FBXW8: variants seen among roughly 807,000 people sequenced by gnomAD.
FBXW8 encodes F-box and WD repeat domain containing 8, also known as F-box/WD repeat-containing protein 8.
In FBXW8, 57 loss-of-function variants were observed where a neutral mutation model predicts 65.3. The ratio of observed to expected loss-of-function variants is 0.87; its 90% CI spans 0.71 to 1.09. FBXW8 has a LOEUF of 1.09. Ranked by LOEUF, FBXW8 falls within the 50% of genes least tolerant of loss-of-function variation. FBXW8 has a pLI of 0.00. For synonymous variants in FBXW8, 308 were observed against 330.2 expected (o/e 0.93, Z 0.73); for missense variants, 777 against 814.8 (o/e 0.95, Z 0.57).
At chr12:117,003,811 A>C (rs929868596) in intron 7 of FBXW8, among the ~76,000 whole-genome samples, 1 of 152,194 alleles carries the variant, frequency 6.6e-6, no homozygotes, top group Admixed American at 6.5e-5. Context: ...TCAGTCTGTC[A>C]TTCTCTTTTA....
chr12:116,917,785 G>A (rs770847450), intron 1 of FBXW8, among the ~76,000 whole-genome samples: 16 of 152,146 alleles, frequency 1.1e-4, no homozygotes, highest in Non-Finnish European at 2.1e-4. Context: ...GAGGTCAGGA[G>A]ATCAAGACCA....
intron 9 of FBXW8, among the ~76,000 whole-genome samples, chr12:117,026,181 G>A (rs986908115): frequency 2.0e-5 from 3 of 152,202 alleles, no homozygotes; most frequent in African/African-American, 7.2e-5. Flanking sequence ...ACAGGGTGCC[G>A]TCAGTCCTCC....
intron 2 of FBXW8, among the ~76,000 whole-genome samples, chr12:116,939,469 A>G (rs537763092): frequency 6.6e-6 from 1 of 152,308 alleles, no homozygotes; most frequent in South Asian, 2.1e-4. Flanking sequence ...AGCTCATTTG[A>G]GCGTGGAATC....
At chr12:117,015,384 C>A (rs1350252332) in intron 8 of FBXW8, among the ~76,000 whole-genome samples, 24 of 152,130 alleles carry the variant, frequency 1.6e-4, no homozygotes, top group Admixed American at 1.5e-3. Flanking sequence ...TTACTCCGTT[C>A]TGGCCAGAAT....
chr12:116,916,744 C>T (rs752158111), intron 1 of FBXW8, among the ~76,000 whole-genome samples: 31 of 152,076 alleles, frequency 2.0e-4, no homozygotes, highest in Admixed American at 1.3e-4. Flanking sequence ...AAACACCATC[C>T]AAAACGTTGG....
Position 116,988,788 on chromosome 12 carries a change from G to C in FBXW8, c.1158G>C (p.Pro386=). Residue 386 remains proline (P), a synonymous_variant, in exon 7 of 11, where the codon CCG becomes CCC. Coordinates refer to ENST00000652555, the MANE Select transcript of FBXW8 (RefSeq NM_153348.3). The part of the protein sequence containing the change: ...SARTLLYAHG[P]PVTCLDVSAN... ...GAACCCTCCTTTACGCCCACGGCCC[G>C]CCTGTCACATGTCTAGACGTCTCGG... The C allele has an allele frequency of 2.5e-6, 4 of 1,614,140 alleles. No homozygotes were observed. The highest frequency in any genetic ancestry group is 2.5e-6 in the Non-Finnish European group (3 of 1,180,038).
At chr12:116,915,425 G>A (rs993919636) in intron 1 of FBXW8, among the ~76,000 whole-genome samples, 2 of 152,082 alleles carry the variant, frequency 1.3e-5, no homozygotes, top group African/African-American at 4.8e-5. Flanking sequence ...ACCTTTACAA[G>A]GGCCTAAATA....
At chr12:117,017,352 T>G (rs2135717360) in intron 8 of FBXW8, among the ~76,000 whole-genome samples, 1 of 152,350 alleles carries the variant, frequency 6.6e-6, no homozygotes, top group South Asian at 2.1e-4. Context: ...CTTGTTAATC[T>G]TGGCCACATA....
At chr12:116,967,190 C>G (rs1884380875) in intron 5 of FBXW8, among the ~76,000 whole-genome samples, 1 of 150,326 alleles carries the variant, frequency 6.7e-6, no homozygotes. Context: ...CCTAATGGCA[C>G]ATCTTGGTGA....
At chr12:117,024,038 T>G in intron 8 of FBXW8, 109 bp from the exon 9 acceptor site, 1 of 1,170,174 alleles carries the variant, frequency 8.5e-7, no homozygotes, top group Non-Finnish European at 1.2e-6. Context: ...GCTGAGGAGT[T>G]TTTCATAGCA....
chr12:117,027,819 C>T (rs538466180), intron 10 of FBXW8, among the ~76,000 whole-genome samples: 38 of 152,346 alleles, frequency 2.5e-4, no homozygotes, highest in African/African-American at 6.5e-4. Flanking sequence ...TGCCCTGTGA[C>T]ACTCACTGCG....
chr12:116,992,430 T>G (rs1167894953), intron 7 of FBXW8, among the ~76,000 whole-genome samples: 2 of 152,150 alleles, frequency 1.3e-5, no homozygotes, highest in South Asian at 2.1e-4. Context: ...GTTTTGTTTT[T>G]TTTTTAATTC....
chr12:116,962,354 C>T (rs1057015414), intron 4 of FBXW8, among the ~76,000 whole-genome samples: 1 of 152,162 alleles, frequency 6.6e-6, no homozygotes, highest in Non-Finnish European at 1.5e-5. Context: ...GCTAAAGTAC[C>T]TTTTTCCCAA....
At chr12:116,939,922 AT>A (rs1259514247) in intron 2 of FBXW8, among the ~76,000 whole-genome samples, 11 of 152,242 alleles carry the variant, frequency 7.2e-5, no homozygotes, top group Non-Finnish European at 1.3e-4. Context: ...GACAGACAGC[AT>A]CTGGGTGTCA....
intron 7 of FBXW8, among the ~76,000 whole-genome samples, chr12:117,007,508 T>C (rs1438526285): frequency 6.6e-6 from 1 of 152,224 alleles, no homozygotes; most frequent in Admixed American, 6.5e-5. Flanking sequence ...TAATTACTGT[T>C]CAAGTGCTTC....
At chr12:117,006,418 C>G (rs1953674907) in intron 7 of FBXW8, among the ~76,000 whole-genome samples, 1 of 152,212 alleles carries the variant, frequency 6.6e-6, no homozygotes, top group African/African-American at 2.4e-5. Flanking sequence ...GCCTCCCACC[C>G]CCACAGGGAC....
chr12:116,938,477 A>T (rs1882312583), intron 2 of FBXW8, among the ~76,000 whole-genome samples: 1 of 152,206 alleles, frequency 6.6e-6, no homozygotes, highest in Non-Finnish European at 1.5e-5. Context: ...TCAGTTTTTC[A>T]TCCTGTAACC....
chr12:116,956,842 C>T (rs528792286), intron 4 of FBXW8, among the ~76,000 whole-genome samples: 72 of 151,888 alleles, frequency 4.7e-4, no homozygotes, highest in African/African-American at 1.7e-3. Flanking sequence ...GTGACACGTG[C>T]CTGTAATCCC....
chr12:116,937,448 G>C (rs933117999), intron 2 of FBXW8, among the ~76,000 whole-genome samples: 1 of 152,194 alleles, frequency 6.6e-6, no homozygotes, highest in East Asian at 1.9e-4. Flanking sequence ...GGACCGGGAA[G>C]GAGTTCCCTG....
Sources: gnomAD v4.1 joint callset for allele counts (sites outside exome capture counted in the v4.1 genomes callset) on GRCh38, gnomAD v4.1.1 for gene constraint, MANE v1.5 for transcripts, NCBI Gene and HGNC (gene_info 2026-07-23, HGNC 2026-07-21) for gene names.